ARHGAP8: variants seen among roughly 807,000 people sequenced by gnomAD.
ARHGAP8 encodes rho GTPase-activating protein 8.
In ARHGAP8, 62 loss-of-function variants were observed where a neutral mutation model predicts 46.1. The ratio of observed to expected loss-of-function variants is 1.34; its 90% CI spans 1.10 to 1.66. The LOEUF is 1.66. Among genes scored for constraint, ARHGAP8 ranks in the 40% most tolerant of loss-of-function variants. The pLI, the probability that ARHGAP8 is intolerant of heterozygous loss-of-function variation, is 0.00. For synonymous variants in ARHGAP8, 375 were observed against 243.1 expected (o/e 1.54, Z -5.05); for missense variants, 923 against 568.4 (o/e 1.62, Z -6.34).
At chr22:44,861,090 G>T (rs1309182735) in intron 11 of ARHGAP8, among the ~76,000 whole-genome samples, 1 of 152,144 alleles carries the variant, frequency 6.6e-6, no homozygotes, top group East Asian at 1.9e-4. Context: ...TGCAACCCCA[G>T]CCTCCCACGT....
intron 3 of ARHGAP8, among the ~76,000 whole-genome samples, chr22:44,803,909 A>C (rs1235734549): frequency 2.0e-5 from 3 of 151,374 alleles, no homozygotes; most frequent in Non-Finnish European, 4.4e-5. Flanking sequence ...TTCAGAGTGA[A>C]AGACTAACCT....
intron 1 of ARHGAP8, 24 bp from the exon 2 acceptor site, chr22:44,786,433 T>C (rs766899360): frequency 1.9e-6 from 3 of 1,559,732 alleles, no homozygotes; most frequent in South Asian, 2.3e-5. Context: ...ATGCACTGAC[T>C]TCCTTTAATC....
intron 5 of ARHGAP8, among the ~76,000 whole-genome samples, chr22:44,818,193 A>G (rs1929883137): frequency 6.6e-6 from 1 of 152,120 alleles, no homozygotes; most frequent in Non-Finnish European, 1.5e-5. Context: ...TCACGCCTGT[A>G]ATCCCAGCAC....
At chr22:44,775,599 C>T (rs917778055) in intron 1 of ARHGAP8, among the ~76,000 whole-genome samples, 1 of 152,140 alleles carries the variant, frequency 6.6e-6, no homozygotes, top group Non-Finnish European at 1.5e-5. Context: ...AGGCATGTGC[C>T]ACCACGCCCG....
intron 4 of ARHGAP8, chr22:44,808,821 A>C (rs1569156012): frequency 3.0e-5 from 11 of 371,820 alleles, no homozygotes; most frequent in East Asian, 2.9e-4. Context: ...AAAAAAAAAA[A>C]ACCAAAAACA....
chr22:44,774,775 G>C (rs1926299213), intron 1 of ARHGAP8, among the ~76,000 whole-genome samples: 1 of 151,894 alleles, frequency 6.6e-6, no homozygotes, highest in Non-Finnish European at 1.5e-5. Context: ...ACCCACCTCA[G>C]CCTCCCAAAG....
At chr22:44,858,168 T>G (rs957827309) in intron 10 of ARHGAP8, among the ~76,000 whole-genome samples, 10 of 152,214 alleles carry the variant, frequency 6.6e-5, no homozygotes, top group Non-Finnish European at 1.2e-4. Context: ...GGGAGTCTTG[T>G]GTCCTGGCAG....
At chr22:44,755,162 A>C (rs1924570652) in intron 1 of ARHGAP8, among the ~76,000 whole-genome samples, 1 of 152,212 alleles carries the variant, frequency 6.6e-6, no homozygotes, top group Non-Finnish European at 1.5e-5. Context: ...ACAGACAAGG[A>C]AGGTTAAGGT....
At chr22:44,784,969 G>A (rs558202283) in intron 1 of ARHGAP8, among the ~76,000 whole-genome samples, 289 of 152,206 alleles carry the variant, frequency 1.9e-3, no homozygotes, top group Middle Eastern at 6.8e-3. Flanking sequence ...CCCATCCCCC[G>A]CCCCATTCCT....
intron 1 of ARHGAP8, among the ~76,000 whole-genome samples, chr22:44,759,257 T>C (rs1271975199): frequency 1.3e-5 from 2 of 152,120 alleles, no homozygotes; most frequent in Non-Finnish European, 2.9e-5. Flanking sequence ...GACATGGCCC[T>C]GCTGTCAGGG....
intron 2 of ARHGAP8, among the ~76,000 whole-genome samples, chr22:44,787,029 C>CAAAA (rs34957650): frequency 4.2e-5 from 4 of 94,822 alleles, no homozygotes; most frequent in African/African-American, 1.6e-4. Context: ...GACCCTGTCT[C>CAAAA]AAAAAAACAA....
At chr22:44,847,873 C>T (rs2069995636) in intron 8 of ARHGAP8, 100 bp from the exon 9 acceptor site, 2 of 1,474,262 alleles carry the variant, frequency 1.4e-6, no homozygotes, top group Non-Finnish European at 1.8e-6. Flanking sequence ...TGGAGGCCAG[C>T]CACAGGTGGG....
chr22:44,795,804 G>A (rs964645055), intron 2 of ARHGAP8, among the ~76,000 whole-genome samples: 17 of 152,014 alleles, frequency 1.1e-4, no homozygotes, highest in African/African-American at 2.4e-4. Context: ...GACACCTCCC[G>A]GGACCCACCC....
At chr22:44,790,053 G>A (rs964694763) in intron 2 of ARHGAP8, among the ~76,000 whole-genome samples, 1 of 152,170 alleles carries the variant, frequency 6.6e-6, no homozygotes, top group African/African-American at 2.4e-5. Flanking sequence ...GTCAAAGCCT[G>A]GGAGGGTCAG....
At chr22:44,853,730 A>C (rs1220302189) in intron 10 of ARHGAP8, among the ~76,000 whole-genome samples, 1 of 152,158 alleles carries the variant, frequency 6.6e-6, no homozygotes, top group African/African-American at 2.4e-5. Context: ...AAGCCAAGTT[A>C]AAAATTTGCC....
At chr22:44,842,625 A>G (rs1435013644) in intron 7 of ARHGAP8, among the ~76,000 whole-genome samples, 10 of 152,214 alleles carry the variant, frequency 6.6e-5, no homozygotes, top group Non-Finnish European at 1.2e-4. Flanking sequence ...CTCACGTGCA[A>G]TGTGCAAACA....
chr22:44,769,113 G>T (rs1925816523), intron 1 of ARHGAP8, among the ~76,000 whole-genome samples: 1 of 152,180 alleles, frequency 6.6e-6, no homozygotes, highest in Non-Finnish European at 1.5e-5. Context: ...GGGATTACAG[G>T]CATGAGGCAC....
chr22:44,769,698 G>A (rs1394854169), intron 1 of ARHGAP8, among the ~76,000 whole-genome samples: 1 of 151,946 alleles, frequency 6.6e-6, no homozygotes, highest in African/African-American at 2.4e-5. Context: ...TCAGTATTTT[G>A]TAATTATTGG....
chr22:44,818,290 A>G (rs1485447647), intron 5 of ARHGAP8, among the ~76,000 whole-genome samples: 9 of 151,918 alleles, frequency 5.9e-5, no homozygotes. Context: ...CTCTACTAAA[A>G]ATACAAAAAT....
Sources: gnomAD v4.1 joint callset for allele counts (sites outside exome capture counted in the v4.1 genomes callset) on GRCh38, gnomAD v4.1.1 for gene constraint, MANE v1.5 for transcripts, NCBI Gene and HGNC (gene_info 2026-07-23, HGNC 2026-07-21) for gene names.